PALM2AKAP2: variants seen among roughly 807,000 people sequenced by gnomAD.
PALM2AKAP2 encodes PALM2 and AKAP2 fusion, also known as PALM2-AKAP2 fusion protein.
A neutral mutation model predicts 71.5 loss-of-function variants in PALM2AKAP2; 37 were observed. The ratio of observed to expected loss-of-function variants is 0.52; its 90% CI spans 0.40 to 0.68. PALM2AKAP2 has a LOEUF of 0.68. Ranked by LOEUF, PALM2AKAP2 falls within the 30% of genes least tolerant of loss-of-function variation. PALM2AKAP2 has a pLI of 0.00. For missense variants in PALM2AKAP2, 1,224 were observed against 1,191.8 expected, an observed-to-expected ratio of 1.03 and a Z score of -0.40; for synonymous variants, 468 against 478.8, an observed-to-expected ratio of 0.98 and a Z score of 0.29.
At chr9:109,965,796 G>GA (rs533419457) in intron 6 of PALM2AKAP2, among the ~76,000 whole-genome samples, 10 of 151,822 alleles carry the variant, frequency 6.6e-5, no homozygotes, top group Middle Eastern at 6.8e-3. Flanking sequence ...TACTCAGGGG[G>GA]AAAAAAAAGA....
chr9:110,063,372 A>G (rs1031826573), intron 1 of PALM2AKAP2, among the ~76,000 whole-genome samples: 1 of 151,396 alleles, frequency 6.6e-6, no homozygotes, highest in Non-Finnish European at 1.5e-5. Flanking sequence ...TGGCTTGTAG[A>G]TGGGTGTCTT....
chr9:110,131,665 T>C (rs1480180589), intron 1 of PALM2AKAP2, among the ~76,000 whole-genome samples: 2 of 152,230 alleles, frequency 1.3e-5, no homozygotes, highest in East Asian at 3.8e-4. Context: ...TGAAGGCAAA[T>C]TCTTACTGCT....
chr9:110,023,274 ACTGGTG>A (rs1285724185), intron 7 of PALM2AKAP2, among the ~76,000 whole-genome samples: 13 of 145,674 alleles, frequency 8.9e-5, no homozygotes, highest in South Asian at 6.7e-4. Flanking sequence ...CCCCATTCTA[ACTGGTG>A]TGAGATGGTA....
chr9:109,866,595 C>T (rs1829455078), intron 1 of PALM2AKAP2, among the ~76,000 whole-genome samples: 1 of 152,170 alleles, frequency 6.6e-6, no homozygotes. Flanking sequence ...TTACAACCAG[C>T]TTCTAGGCAT....
upstream of PALM2AKAP2, chr9:109,780,418 C>T: frequency 6.2e-7 from 1 of 1,611,558 alleles, no homozygotes; most frequent in African/African-American, 1.3e-5. Context: ...GGGTGCCCAT[C>T]AGTTTCCTTG....
At chr9:109,897,434 G>A (rs1349428521) in intron 3 of PALM2AKAP2, among the ~76,000 whole-genome samples, 1 of 152,032 alleles carries the variant, frequency 6.6e-6, no homozygotes, top group Non-Finnish European at 1.5e-5. Context: ...ACAAAAATTA[G>A]CCGGGCATGG....
chr9:109,776,678 G>A (rs931448133), upstream of PALM2AKAP2, among the ~76,000 whole-genome samples: 1 of 152,142 alleles, frequency 6.6e-6, no homozygotes, highest in African/African-American at 2.4e-5. Flanking sequence ...CTTTTAATAT[G>A]GGAAATCCCC....
At chr9:109,716,033 T>TG (rs1242261538) in intron 1 of PALM2AKAP2, among the ~76,000 whole-genome samples, 1 of 152,208 alleles carries the variant, frequency 6.6e-6, no homozygotes, top group Non-Finnish European at 1.5e-5. Context: ...AATGCCTGAA[T>TG]GTTTTCCTAT....
At chr9:110,050,598 G>A (rs1419511311) in intron 1 of PALM2AKAP2, among the ~76,000 whole-genome samples, 2 of 151,868 alleles carry the variant, frequency 1.3e-5, no homozygotes, top group African/African-American at 4.8e-5. Flanking sequence ...TTGACCCTTG[G>A]CCCTTTCTCT....
intron 6 of PALM2AKAP2, among the ~76,000 whole-genome samples, chr9:109,965,804 AG>A (rs1831936030): frequency 6.6e-6 from 1 of 152,228 alleles, no homozygotes; most frequent in Non-Finnish European, 1.5e-5. Context: ...GGGAAAAAAA[AG>A]AGCTAAAAAG....
chr9:109,778,794 G>C (rs1481013648), upstream of PALM2AKAP2, among the ~76,000 whole-genome samples: 1 of 143,680 alleles, frequency 7.0e-6, no homozygotes, highest in Middle Eastern at 4.2e-3. Context: ...TTGAGACAGA[G>C]TTTCACTCTT....
chr9:109,884,536 GAGAGAA>G (rs1829924473), intron 3 of PALM2AKAP2, among the ~76,000 whole-genome samples: 1 of 152,118 alleles, frequency 6.6e-6, no homozygotes, highest in African/African-American at 2.4e-5. Context: ...AAGAGAGTAA[GAGAGAA>G]TATGAGTGAC....
intron 6 of PALM2AKAP2, among the ~76,000 whole-genome samples, chr9:109,994,655 C>T (rs746524935): frequency 6.6e-5 from 10 of 152,194 alleles, no homozygotes; most frequent in South Asian, 2.1e-4. Context: ...CCTACTCCCC[C>T]GTCCTGCATC....
intron 1 of PALM2AKAP2, among the ~76,000 whole-genome samples, chr9:109,658,590 A>G (rs1421185241): frequency 6.6e-6 from 1 of 152,192 alleles, no homozygotes; most frequent in Non-Finnish European, 1.5e-5. Context: ...CATACCTGAG[A>G]CTGGGTAATT....
chr9:109,712,426 T>C (rs868617227), intron 1 of PALM2AKAP2, among the ~76,000 whole-genome samples: 1 of 152,210 alleles, frequency 6.6e-6, no homozygotes, highest in Non-Finnish European at 1.5e-5. Flanking sequence ...AATAGACTTA[T>C]GGAATACGTT....
intron 1 of PALM2AKAP2, among the ~76,000 whole-genome samples, chr9:109,645,682 A>G (rs1163847009): frequency 1.3e-5 from 2 of 152,204 alleles, no homozygotes; most frequent in Non-Finnish European, 2.9e-5. Flanking sequence ...GTTCTCATTT[A>G]TAAGTGAGAG....
intron 1 of PALM2AKAP2, among the ~76,000 whole-genome samples, chr9:109,725,783 T>C (rs1157617109): frequency 6.6e-6 from 1 of 152,082 alleles, no homozygotes; most frequent in Non-Finnish European, 1.5e-5. Flanking sequence ...CACATGTAAC[T>C]CCAAAAAAAG....
At chr9:109,840,274 C>T (rs1245079310) in intron 1 of PALM2AKAP2, among the ~76,000 whole-genome samples, 2 of 152,116 alleles carry the variant, frequency 1.3e-5, no homozygotes, top group African/African-American at 4.8e-5. Flanking sequence ...GAAAGGATTC[C>T]CTATTTAATA....
At chr9:109,754,995 A>T (rs1440311353) in intron 1 of PALM2AKAP2, among the ~76,000 whole-genome samples, 6 of 151,952 alleles carry the variant, frequency 3.9e-5, no homozygotes. Context: ...TAGCCTGTGT[A>T]TAAGCAAGTT....
Sources: gnomAD v4.1 joint callset for allele counts (sites outside exome capture counted in the v4.1 genomes callset) on GRCh38, gnomAD v4.1.1 for gene constraint, MANE v1.5 for transcripts, NCBI Gene and HGNC (gene_info 2026-07-23, HGNC 2026-07-21) for gene names.